ABCC5: variants seen among roughly 807,000 people sequenced by gnomAD.
ABCC5 encodes the protein ATP binding cassette subfamily C member 5, also known as ATP-binding cassette sub-family C member 5.
ABCC5 carries 61 observed loss-of-function variants against 160.9 expected under a neutral mutation model. The observed-to-expected ratio is 0.38, with a 90% CI of 0.31 to 0.47. The LOEUF is 0.47. ABCC5 is among the 20% of genes least tolerant of loss of function. The pLI is 0.99. For synonymous variants in ABCC5, 666 were observed against 700.6 expected (o/e 0.95, Z 0.78); for missense variants, 1,308 against 1,813.3 (o/e 0.72, Z 5.06).
intron 2 of ABCC5, chr3:184,010,752 T>C (rs1477149590): frequency 6.6e-6 from 1 of 152,340 alleles, no homozygotes; most frequent in East Asian, 1.9e-4. Flanking sequence ...ATTTTACCCA[T>C]ATGCACTTCA....
chr3:183,973,049 C>CTTT lies in ABCC5; in HGVS notation c.1405-1133_1405-1131dup, dbSNP rs11289102. Among the ~76,000 whole-genome samples the CTTT allele has an allele frequency of 9.2e-5, 10 of 108,400 alleles. 1 individual carries two copies. The highest frequency in any genetic ancestry group is 3.1e-4 in the South Asian group (1 of 3,270). 71.1% of individuals were successfully genotyped at this position (108,400 alleles called of 152,430 possible). A position where few individuals can be genotyped will look rare whatever the true frequency, so the allele number is the denominator to read the frequency against. On this transcript the variant is annotated intron_variant, in intron 10 of 29. Transcript: ENST00000334444. Reference sequence around the variant, plus strand: ...ATTTTCCCGTAAGACTTTGAATCCACTTTTTTTTTTTTTTTTTTTTGGTGA... The same window carrying CTTT: ...ATTTTCCCGTAAGACTTTGAATCCACTTTTTTTTTTTTTTTTTTTTTTTGGTGA...
chr3:184,010,055 C>G lies in ABCC5; in HGVS notation c.129+4209G>C, dbSNP rs554262569. The G allele has an allele frequency of 8.0e-4, 287 of 357,198 alleles. 4 individuals are homozygous for G. The highest frequency in any genetic ancestry group is 2.3e-3 in the South Asian group (104 of 45,324). The allele number at this position is 357,198 out of a possible 1,614,324, so 22.1% of individuals were successfully genotyped here. A position where few individuals can be genotyped will look rare whatever the true frequency, so the allele number is the denominator to read the frequency against. On this transcript the variant is annotated intron_variant, in intron 2 of 29. Transcript: ENST00000334444. ...GATGTGGTGGCTGACGCCTGTAATC[C>G]CAGTACTTTGGGAGGCCAAGGCAGG...
intron 2 of ABCC5, 129 bp from the exon 3 acceptor site, chr3:183,989,512 G>T: frequency 1.1e-6 from 1 of 942,002 alleles, no homozygotes; most frequent in Non-Finnish European, 1.6e-6. Flanking sequence ...GCAAGGGTCA[G>T]GAGGTTAAAC....
intron 2 of ABCC5, among the ~76,000 whole-genome samples, chr3:184,009,179 G>A (rs111851076): frequency 0.013 from 1,968 of 152,180 alleles, 56 homozygotes; most frequent in African/African-American, 0.045. Context: ...CCTGCTTCTC[G>A]GTTAATTCCA....
intron 26 of ABCC5, among the ~76,000 whole-genome samples, chr3:183,930,909 A>T (rs1713113761): frequency 6.6e-6 from 1 of 152,226 alleles, no homozygotes; most frequent in Non-Finnish European, 1.5e-5. Flanking sequence ...ATGCCTCTGG[A>T]TCAAAGAGCA....
Position 183,965,371 on chromosome 3 carries a change from C to G in ABCC5, c.1958+6G>C, listed in dbSNP as rs1040356292. On this transcript the variant is annotated splice_donor_region_variant and intron_variant, in intron 13 of 29. Coordinates refer to ENST00000334444, the MANE Select transcript of ABCC5 (RefSeq NM_005688.4). ...GAAAGCATGACAGAAGCCAAACATT[C>G]CTTGCCTTTCTTCATCATATTCCTT... 6.2e-7 allele frequency: 1 copy of G among 1,614,174 alleles called. No homozygotes were observed. Among genetic ancestry groups the G allele is most frequent in the East Asian group, 2.2e-5 (1 of 44,892 alleles).
At chr3:183,952,835 T>G (rs556924235) in intron 18 of ABCC5, among the ~76,000 whole-genome samples, 1 of 152,294 alleles carries the variant, frequency 6.6e-6, no homozygotes, top group Admixed American at 6.5e-5. Context: ...AAAAATGGAC[T>G]AATACACAAC....
chr3:184,007,834 A>G (rs1721361054), intron 2 of ABCC5, among the ~76,000 whole-genome samples: 1 of 152,110 alleles, frequency 6.6e-6, no homozygotes, highest in Admixed American at 6.6e-5. Flanking sequence ...CTCAAAAACA[A>G]AAAACAAAAA....
At chr3:184,015,758 G>A (rs1722141480) in intron 1 of ABCC5, among the ~76,000 whole-genome samples, 1 of 151,516 alleles carries the variant, frequency 6.6e-6, no homozygotes, top group South Asian at 2.1e-4. Context: ...CACCAAGCCA[G>A]AGTGCAGCAA....
chr3:183,970,913 C>T (rs1287409782), intron 11 of ABCC5, among the ~76,000 whole-genome samples: 1 of 152,174 alleles, frequency 6.6e-6, no homozygotes, highest in Non-Finnish European at 1.5e-5. Flanking sequence ...GAGTTTGATA[C>T]TCATGAAATG....
chr3:183,960,703 A>G (rs1463581386), intron 16 of ABCC5, among the ~76,000 whole-genome samples: 1 of 152,184 alleles, frequency 6.6e-6, no homozygotes, highest in Non-Finnish European at 1.5e-5. Context: ...ATAACAGGGC[A>G]CACAGGGACT....
intron 10 of ABCC5, among the ~76,000 whole-genome samples, 153 bp downstream of exon 10, chr3:183,977,364 C>T (rs1329818955): frequency 6.6e-6 from 1 of 152,242 alleles, no homozygotes; most frequent in East Asian, 1.9e-4. Context: ...AATTCAGTCT[C>T]CTCCACTGCC....
chr3:183,984,696 G>A (rs919069884), intron 5 of ABCC5: 31 of 1,508,434 alleles, frequency 2.1e-5, no homozygotes, highest in Non-Finnish European at 2.7e-5. Context: ...CATTGCTTGG[G>A]TCACCACTGT....
chr3:184,004,772 C>G (rs960297434), intron 2 of ABCC5, among the ~76,000 whole-genome samples: 30 of 151,992 alleles, frequency 2.0e-4, no homozygotes, highest in Non-Finnish European at 4.1e-4. Context: ...TGCATAATAC[C>G]AAAGAAAAGT....
intron 10 of ABCC5, among the ~76,000 whole-genome samples, chr3:183,976,573 CAAAT>C (rs957478235): frequency 4.6e-5 from 7 of 152,080 alleles, no homozygotes; most frequent in Non-Finnish European, 1.0e-4. Context: ...CTTTCTTGAC[CAAAT>C]AAAAGTCACC....
rs1186025225 is a variant in ABCC5 at position 183,942,716 on chromosome 3, C to T, written c.3694+11G>A. On this transcript the variant is annotated intron_variant, in intron 25 of 29. Transcript: ENST00000334444. ...TCCAATGGATTCAAAGAAGGCTTTG[C>T]ACATCCTTACCTGATCCTGTCCGCC... The T allele has an allele frequency of 6.2e-7, 1 of 1,609,332 alleles. No homozygotes were observed. Among genetic ancestry groups the T allele is most frequent in the Non-Finnish European group, 8.5e-7 (1 of 1,176,494 alleles).
At chr3:183,929,094 C>T (rs966984075) in intron 26 of ABCC5, among the ~76,000 whole-genome samples, 18 of 152,052 alleles carry the variant, frequency 1.2e-4, no homozygotes, top group South Asian at 2.1e-4. Flanking sequence ...ATGCAAATAT[C>T]GGCAAATATC....
chr3:183,982,972 C>T lies in ABCC5; in HGVS notation c.627G>A (p.Gln209=), dbSNP rs370339098. Residue 209 remains glutamine (Q), a synonymous_variant, in exon 6 of 30, where the codon CAG becomes CAA. Transcript: ENST00000334444. This position sits in a 1 kb window ranked among gnomAD's most constrained non-coding sequence, Gnocchi z 5.2. ...FMVKHLLEYT[Q]ATESNLQYSL... ...TGTACTGCAGGTTAGACTCTGTTGCCTGGGTATACTCCAAGAGGTGTTTCA... is the reference window on the plus strand; with the variant it reads ...TGTACTGCAGGTTAGACTCTGTTGCTTGGGTATACTCCAAGAGGTGTTTCA... 17 of 1,614,114 alleles carry T rather than the reference C, an allele frequency of 1.1e-5. No homozygotes were observed. Among genetic ancestry groups the T allele is most frequent in the Non-Finnish European group, 1.4e-5 (17 of 1,180,048 alleles).
chr3:183,926,312 G>C (rs1192997937), intron 28 of ABCC5, among the ~76,000 whole-genome samples: 1 of 151,680 alleles, frequency 6.6e-6, no homozygotes, highest in Non-Finnish European at 1.5e-5. Context: ...AGCACTTTGA[G>C]AGGCCGAGGC....
Sources: gnomAD v4.1 joint callset for allele counts (sites outside exome capture counted in the v4.1 genomes callset) on GRCh38, gnomAD v4.1.1 for gene constraint, Gnocchi (gnomAD v3.1) non-coding constraint, MANE v1.5 for transcripts, NCBI Gene and HGNC (gene_info 2026-07-23, HGNC 2026-07-21) for gene names.